Variants in IDH2 observed in about 807,000 individuals in gnomAD.
The protein encoded by IDH2 is isocitrate dehydrogenase (NADP(+)) 2.
IDH2 carries 18 observed loss-of-function variants against 50.5 expected under a neutral mutation model. The ratio of observed to expected loss-of-function variants is 0.36; its 90% confidence interval spans 0.25 to 0.53. The LOEUF (loss-of-function observed/expected upper bound fraction) is 0.53, where lower values mean the gene tolerates loss of function less well. IDH2 is among the 20% of genes least tolerant of loss of function. IDH2 has a pLI of 0.92. For synonymous variants in IDH2, 280 were observed against 239.8 expected, an observed-to-expected ratio of 1.17 and a Z score of -1.55; for missense variants, 518 against 610.7, an observed-to-expected ratio of 0.85 and a Z score of 1.60.
At position 90,088,361 on chromosome 15, in the gene IDH2, C is replaced by CGTTTATT; in HGVS notation, c.675_676insAATAAAC (p.Glu226AsnfsTer48). Reference sequence around the variant, plus strand: ...CAGGATGCCCAAGCCAGCCTCACCTCGTCGGTGTTGTACATGCCCATGCCC... The same window carrying CGTTTATT: ...CAGGATGCCCAAGCCAGCCTCACCTCGTTTATTGTCGGTGTTGTACATGCCCATGCCC... On this transcript the variant is annotated frameshift_variant, in exon 5 of 11. Coordinates refer to ENST00000330062, the MANE Select transcript of IDH2 (RefSeq NM_002168.4). LOFTEE classifies it high-confidence loss of function. 5 of 1,613,480 alleles carry CGTTTATT rather than the reference C, an allele frequency of 3.1e-6. No homozygotes were observed. Among genetic ancestry groups the CGTTTATT allele is most frequent in the Non-Finnish European group, 3.4e-6 (4 of 1,180,038 alleles).
intron 1 of IDH2, among the ~76,000 whole-genome samples, chr15:90,101,319 T>C (rs1209343037): frequency 6.6e-6 from 1 of 152,196 alleles, no homozygotes; most frequent in Admixed American, 6.5e-5. Flanking sequence ...GGGGTTTCCA[T>C]GGCAACAGGC....
chr15:90,088,785 G>A (rs1399004230), intron 3 of IDH2, 38 bp from the exon 4 acceptor site: 18 of 1,610,756 alleles, frequency 1.1e-5, no homozygotes, highest in South Asian at 6.6e-5. Context: ...CACTGCAGCC[G>A]CCATCTTTCA....
In IDH2 at chr15:90,084,045, A is replaced by G. The variant is rs1900789427; in HGVS notation, c.*221T>C. The G allele has an allele frequency of 3.4e-6, 2 of 592,096 alleles. No individual in the cohort carries two copies. Among genetic ancestry groups the G allele is most frequent in the African/African-American group, 1.9e-5 (1 of 53,768 alleles). The allele number at this position is 592,096 out of a possible 1,614,324, so 36.7% of individuals were successfully genotyped here. Reference sequence around the variant, plus strand: ...TTCCAAGGGCAATATAAATTACAGTATGCAAAACATACTGACTGGCTGAGG... The same window carrying G: ...TTCCAAGGGCAATATAAATTACAGTGTGCAAAACATACTGACTGGCTGAGG... On this transcript the variant is annotated 3_prime_UTR_variant, in exon 11 of 11. Transcript: ENST00000330062. The surrounding 1 kb of genome is among the most constrained non-coding windows in gnomAD (Gnocchi z 5.0).
intron 3 of IDH2, among the ~76,000 whole-genome samples, chr15:90,089,610 AGGCATGACCTGCAGGACAGG>A (rs1436645752): frequency 1.3e-5 from 2 of 152,240 alleles, no homozygotes; most frequent in Non-Finnish European, 2.9e-5. Context: ...GCTGTGGGTC[AGGCATGACCTGCAGGACAGG>A]GGCAGGCCTG....
rs1261715325 is a variant in IDH2 at position 90,087,170 on chromosome 15, G to A, written c.909C>T (p.Gly303=). The change falls in exon 7 of 11, where the codon GGC becomes GGT. Residue 303 remains glycine (G), a synonymous_variant. Coordinates refer to ENST00000330062, the MANE Select transcript of IDH2 (RefSeq NM_002168.4). ...MVAQVLKSSG[G]FVWACKNYDG... Reference sequence around the variant, plus strand: ...CATAGTTCTTGCAGGCCCACACAAAGCCACCCGAAGACTTGAGGACCTGAG... The same window carrying A: ...CATAGTTCTTGCAGGCCCACACAAAACCACCCGAAGACTTGAGGACCTGAG... 6.2e-7 allele frequency: 1 copy of A among 1,614,136 alleles called. No individual in the cohort carries two copies. The highest frequency in any genetic ancestry group is 1.3e-5 in the African/African-American group (1 of 75,030).
At chr15:90,094,601 A>T (rs8028234) in intron 1 of IDH2, among the ~76,000 whole-genome samples, 109,823 of 152,072 alleles carry the variant, frequency 0.72, 39,963 homozygotes, top group East Asian at 0.84. Context: ...GAAGAGAATG[A>T]TTATTTGAAA....
intron 1 of IDH2, among the ~76,000 whole-genome samples, chr15:90,101,325 C>A (rs891360916): frequency 3.3e-5 from 5 of 152,192 alleles, no homozygotes; most frequent in Admixed American, 6.5e-5. Flanking sequence ...TCCATGGCAA[C>A]AGGCATTAGG....
chr15:90,094,731 C>T (rs1901134834), intron 1 of IDH2, among the ~76,000 whole-genome samples: 1 of 152,146 alleles, frequency 6.6e-6, no homozygotes. Context: ...CATGGTGAAA[C>T]CCCATCTCTA....
In IDH2 at chr15:90,087,419, G is replaced by A. The variant is rs1236143665; in HGVS notation, c.815+20C>T. 8 of 1,613,978 alleles carry A rather than the reference G, an allele frequency of 5.0e-6. No individual in the cohort carries two copies. In the South Asian group the frequency reaches 5.5e-5, roughly 11 times the overall value. On this transcript the variant is annotated intron_variant, in intron 6 of 10. Transcript: ENST00000330062. The stretch of plus-strand genomic sequence containing the variant: ...GGGGGAAGGGAAGAAAGGCCACAGA[G>A]TACATGGATGAGGCTTTACTTGTCA...
chr15:90,100,511 GA>G lies in IDH2; in HGVS notation c.115+1764del. ...CTGGGTTAGGAGTGAAGGAAGGCTA[GA>G]TAAGTAATTCTGCCACTGAGCCGTT... is the stretch of plus-strand genomic sequence containing the variant. On this transcript the variant is annotated intron_variant, in intron 1 of 10. Coordinates refer to ENST00000330062, the MANE Select transcript of IDH2 (RefSeq NM_002168.4). The surrounding 1 kb of genome is among the most constrained non-coding windows in gnomAD (Gnocchi z 4.1). 2 of 419,092 alleles carry G rather than the reference GA, an allele frequency of 4.8e-6. No homozygotes were observed. The highest frequency in any genetic ancestry group is 6.4e-6 in the Non-Finnish European group (2 of 312,356). 26.0% of individuals were successfully genotyped at this position (419,092 alleles called of 1,614,324 possible).
chr15:90,093,723 G>A (rs944983643), intron 1 of IDH2, among the ~76,000 whole-genome samples: 1 of 152,076 alleles, frequency 6.6e-6, no homozygotes, highest in Admixed American at 6.6e-5. Context: ...GGGTTCAAGC[G>A]ATTCTGCTGT....
At chr15:90,102,022 G>A (rs2151557792) in intron 1 of IDH2, among the ~76,000 whole-genome samples, 1 of 151,976 alleles carries the variant, frequency 6.6e-6, no homozygotes, top group East Asian at 2.0e-4. Flanking sequence ...CCGAGCCCCC[G>A]CCCGCGCAGA....
intron 1 of IDH2, among the ~76,000 whole-genome samples, chr15:90,095,595 G>A (rs1363840966): frequency 6.6e-6 from 1 of 152,156 alleles, no homozygotes; most frequent in Non-Finnish European, 1.5e-5. Flanking sequence ...GGCATGGCTA[G>A]GAGAGTTCAA....
In IDH2 at chr15:90,084,357, CAG is replaced by C. The variant is rs747185496; in HGVS notation, c.1272-6_1272-5del. ...GAAGTGCTCGTTCAGCTTCACACTG[CAG>C]AGAGAGCACCACTCACATCAGGGGT... On this transcript the variant is annotated splice_polypyrimidine_tract_variant and splice_region_variant and intron_variant, in intron 10 of 10. Coordinates refer to ENST00000330062, the MANE Select transcript of IDH2 (RefSeq NM_002168.4). The surrounding 1 kb of genome is among the most constrained non-coding windows in gnomAD (Gnocchi z 5.0). The C allele has an allele frequency of 5.6e-6, 9 of 1,612,956 alleles. No individual in the cohort carries two copies. In the African/African-American group the frequency reaches 6.7e-5, roughly 12 times the overall value.
At chr15:90,095,349 T>TC (rs1403410967) in intron 1 of IDH2, among the ~76,000 whole-genome samples, 10 of 152,112 alleles carry the variant, frequency 6.6e-5, no homozygotes, top group Non-Finnish European at 1.2e-4. Flanking sequence ...CTTCACTTTT[T>TC]TCTGAAGCTT....
intron 3 of IDH2, among the ~76,000 whole-genome samples, chr15:90,089,426 G>C (rs1408417893): frequency 1.3e-5 from 2 of 152,172 alleles, no homozygotes; most frequent in Non-Finnish European, 2.9e-5. Flanking sequence ...CCGGGGGAAG[G>C]ACTTGTCTGA....
Position 90,083,359 on chromosome 15 carries a change from C to A in IDH2, c.*907G>T, listed in dbSNP as rs3207046. On this transcript the variant is annotated 3_prime_UTR_variant, in exon 11 of 11. Coordinates refer to ENST00000330062, the MANE Select transcript of IDH2 (RefSeq NM_002168.4). The stretch of plus-strand genomic sequence containing the variant: ...TGTTGGCCAGGCTGGTCTCGAACTC[C>A]TGGCCTCAAGTGATCCACCCACCTC... The A allele has an allele frequency of 0.19, 29,318 of 151,976 alleles. 2,847 individuals are homozygous for A. The highest frequency in any genetic ancestry group is 0.26 in the Middle Eastern group (76 of 294). 9.4% of individuals were successfully genotyped at this position (151,976 alleles called of 1,614,324 possible).
chr15:90,096,877 G>C (rs1490297688), intron 1 of IDH2, among the ~76,000 whole-genome samples: 1 of 151,808 alleles, frequency 6.6e-6, no homozygotes, highest in Non-Finnish European at 1.5e-5. Context: ...TCGCGCCACT[G>C]CACTCCAGCA....
At position 90,088,690 on chromosome 15, in the gene IDH2, C is replaced by T. The variant is rs375758522; in HGVS notation, c.431G>A (p.Gly144Glu). Residue 144 changes from glycine to glutamate, a missense_variant, in exon 4 of 11, where the codon GGG (glycine) becomes GAG (glutamate). Gly to Glu is a moderately conservative substitution (Grantham distance 98, BLOSUM62 -2). Coordinates refer to ENST00000330062, the MANE Select transcript of IDH2 (RefSeq NM_002168.4). Reference sequence around the variant, plus strand: ...GATGGGCTCCCGGAAGACAGTCCCCCCCAGGATGTTCCGGATAGTTCCATT... The same window carrying T: ...GATGGGCTCCCGGAAGACAGTCCCCTCCAGGATGTTCCGGATAGTTCCATT... The part of the protein sequence containing the change: ...SPNGTIRNIL[G>E]GTVFREPIIC... 2.5e-6 allele frequency: 4 copies of T among 1,614,094 alleles called. No homozygotes were observed. The highest frequency in any genetic ancestry group is 3.4e-6 in the Non-Finnish European group (4 of 1,180,022).
Sources: gnomAD v4.1 joint callset for allele counts (sites outside exome capture counted in the v4.1 genomes callset) on GRCh38, gnomAD v4.1.1 for gene constraint, Gnocchi (gnomAD v3.1) non-coding constraint, MANE v1.5 for transcripts, NCBI Gene and HGNC (gene_info 2026-07-23, HGNC 2026-07-21) for gene names.